The following PCDHGB1 variants were observed in gnomAD, a reference collection of about 807,000 sequenced individuals.
PCDHGB1 encodes the protein protocadherin gamma subfamily B, 1.
In PCDHGB1, 34 loss-of-function variants were observed where a neutral mutation model predicts 56.6. The ratio of observed to expected loss-of-function variants is 0.60; its 90% confidence interval spans 0.46 to 0.80. The LOEUF (loss-of-function observed/expected upper bound fraction) is 0.80. Among genes scored for constraint, PCDHGB1 ranks in the 30% least tolerant of loss-of-function variants. The pLI is 0.00. For synonymous variants in PCDHGB1, 561 were observed against 505.9 expected, an observed-to-expected ratio of 1.11 and a Z score of -1.46; for missense variants, 1,278 against 1,204.6, an observed-to-expected ratio of 1.06 and a Z score of -0.90.
chr5:141,370,895 G>A lies in PCDHGB1; in HGVS notation c.2409+18226G>A, dbSNP rs574834175. 79 of 1,614,032 alleles carry A rather than the reference G, an allele frequency of 4.9e-5. 1 individual carries two copies. In the East Asian group the frequency reaches 1.7e-3, roughly 34 times the overall value. On this transcript the variant is annotated intron_variant, in intron 1 of 3. Transcript: ENST00000523390. ...ATCCTGATGTAGGTGTCAATTCGCT[G>A]CAGCAGTACTACCTCAGCCCTGATC...
chr5:141,431,709 T>A lies in PCDHGB1; in HGVS notation c.2410-63098T>A. 6.2e-7 allele frequency: 1 copy of A among 1,614,168 alleles called. No individual in the cohort carries two copies. Among genetic ancestry groups the A allele is most frequent in the Non-Finnish European group, 8.5e-7 (1 of 1,180,018 alleles). ...CACGAGGAGTCAGGATTCTACCAGA[T>A]GGAAGTGCAAGCAATGGATAATGCA... On this transcript the variant is annotated intron_variant, in intron 1 of 3. Coordinates refer to ENST00000523390, the MANE Select transcript of PCDHGB1 (RefSeq NM_018922.3). This position sits in a 1 kb window ranked among gnomAD's most constrained non-coding sequence, Gnocchi z 4.8.
intron 1 of PCDHGB1, among the ~76,000 whole-genome samples, chr5:141,445,738 T>G (rs553879167): frequency 9.9e-5 from 15 of 152,122 alleles, no homozygotes; most frequent in Non-Finnish European, 1.9e-4. Context: ...AAAGATCTTT[T>G]TAAAAAATAA....
intron 1 of PCDHGB1, among the ~76,000 whole-genome samples, chr5:141,469,317 C>T (rs1354878667): frequency 6.6e-6 from 1 of 152,092 alleles, no homozygotes; most frequent in Non-Finnish European, 1.5e-5. Flanking sequence ...TGGCTCACGC[C>T]TGTAATCCCA....
chr5:141,453,318 AG>A (rs1299190594), intron 1 of PCDHGB1, among the ~76,000 whole-genome samples: 2 of 151,458 alleles, frequency 1.3e-5, no homozygotes, highest in Non-Finnish European at 2.9e-5. Context: ...TTTATTTTAG[AG>A]ATGGGGTCTC....
intron 1 of PCDHGB1, among the ~76,000 whole-genome samples, chr5:141,492,882 C>G (rs2099744816): frequency 6.6e-6 from 1 of 152,218 alleles, no homozygotes; most frequent in Admixed American, 6.5e-5. Context: ...CCCAGAGATA[C>G]AGGCTTTTGG....
At position 141,431,353 on chromosome 5, in the gene PCDHGB1, C is replaced by T. The variant is rs1273946805; in HGVS notation, c.2410-63454C>T. 1 of 1,613,940 alleles carries T rather than the reference C, an allele frequency of 6.2e-7. No homozygotes were observed. Among genetic ancestry groups the T allele is most frequent in the Non-Finnish European group, 8.5e-7 (1 of 1,180,042 alleles). On this transcript the variant is annotated intron_variant, in intron 1 of 3. Coordinates refer to ENST00000523390, the MANE Select transcript of PCDHGB1 (RefSeq NM_018922.3). This position sits in a 1 kb window ranked among gnomAD's most constrained non-coding sequence, Gnocchi z 4.8. ...AGTACCCCGAATTGGTGCTGAAACG[C>T]GCCCTGGACCGCGAAGAAAAGGCTG...
In PCDHGB1 at chr5:141,511,358, G is replaced by GT; in HGVS notation, c.*187dup. 1 of 1,355,398 alleles carries GT rather than the reference G, an allele frequency of 7.4e-7. No homozygotes were observed. Among genetic ancestry groups the GT allele is most frequent in the South Asian group, 1.5e-5 (1 of 66,198 alleles). 84.0% of individuals were successfully genotyped at this position (1,355,398 alleles called of 1,614,324 possible). On this transcript the variant is annotated 3_prime_UTR_variant, in exon 4 of 4. Transcript: ENST00000523390. ...GCACCTACCCCTTCCCCCCCAGGGG[G>GT]TTGAATATGCAAAAGCAGTTCCGCT...
chr5:141,431,364 G>A lies in PCDHGB1; in HGVS notation c.2410-63443G>A. 1 of 1,614,010 alleles carries A rather than the reference G, an allele frequency of 6.2e-7. No homozygotes were observed. The highest frequency in any genetic ancestry group is 8.5e-7 in the Non-Finnish European group (1 of 1,180,022). On this transcript the variant is annotated intron_variant, in intron 1 of 3. Coordinates refer to ENST00000523390, the MANE Select transcript of PCDHGB1 (RefSeq NM_018922.3). This position sits in a 1 kb window ranked among gnomAD's most constrained non-coding sequence, Gnocchi z 4.8. ...TTGGTGCTGAAACGCGCCCTGGACCGCGAAGAAAAGGCTGCTCACCACCTG... is the reference window on the plus strand; with the variant it reads ...TTGGTGCTGAAACGCGCCCTGGACCACGAAGAAAAGGCTGCTCACCACCTG...
At chr5:141,500,546 G>A (rs1428503967) in intron 2 of PCDHGB1, among the ~76,000 whole-genome samples, 1 of 152,126 alleles carries the variant, frequency 6.6e-6, no homozygotes, top group African/African-American at 2.4e-5. Context: ...ACCTAAATAA[G>A]TTGTTCACAA....
chr5:141,370,870 A>G (rs778903328), intron 1 of PCDHGB1: 1 of 1,614,030 alleles, frequency 6.2e-7, no homozygotes, highest in African/African-American at 1.3e-5. Flanking sequence ...TCTGCGCAAG[A>G]TCCTGATGTA....
chr5:141,441,750 A>C, intron 1 of PCDHGB1: 1 of 374,962 alleles, frequency 2.7e-6, no homozygotes, highest in South Asian at 2.1e-5. Context: ...GCTCGGCGTC[A>C]ACGTGAGCCT....
chr5:141,383,551 G>A lies in PCDHGB1; in HGVS notation c.2409+30882G>A, dbSNP rs772901140. 8 of 1,612,382 alleles carry A rather than the reference G, an allele frequency of 5.0e-6. No individual in the cohort carries two copies. Among genetic ancestry groups the A allele is most frequent in the Admixed American group, 3.3e-5 (2 of 59,816 alleles). On this transcript the variant is annotated intron_variant, in intron 1 of 3. Transcript: ENST00000523390. ...CCTGGTCCTCACAGCCTCTGATGGC[G>A]GCGACCCGCCCCGATCCAGCACCGC...
At chr5:141,362,323 G>C (rs745573123) in intron 1 of PCDHGB1, 1 of 1,614,082 alleles carries the variant, frequency 6.2e-7, no homozygotes, top group East Asian at 2.2e-5. Flanking sequence ...TTTTCAGCCT[G>C]GTCTCAGCTC....
intron 1 of PCDHGB1, among the ~76,000 whole-genome samples, chr5:141,484,419 A>G (rs978469951): frequency 1.3e-5 from 2 of 152,206 alleles, no homozygotes; most frequent in Non-Finnish European, 2.9e-5. Flanking sequence ...TCCTGTTACA[A>G]TGAGAACATG....
At chr5:141,404,100 T>G in intron 1 of PCDHGB1, 1 of 1,613,618 alleles carries the variant, frequency 6.2e-7, no homozygotes, top group African/African-American at 1.3e-5. Context: ...GGTCAAGTTG[T>G]CTGTTCTATC....
intron 1 of PCDHGB1, chr5:141,374,871 CA>C: frequency 6.2e-7 from 1 of 1,613,662 alleles, no homozygotes; most frequent in South Asian, 1.1e-5. Flanking sequence ...CCAGTGTTGG[CA>C]GTGACTGCCA....
intron 1 of PCDHGB1, chr5:141,419,328 C>T (rs2096360351): frequency 6.2e-7 from 1 of 1,613,954 alleles, no homozygotes. Context: ...GTCTCCTACT[C>T]TCTCATTGCC....
At chr5:141,371,264 A>C in intron 1 of PCDHGB1, 1 of 1,614,064 alleles carries the variant, frequency 6.2e-7, no homozygotes, top group South Asian at 1.1e-5. Context: ...AAGTGAGACA[A>C]CTGTTCAAGC....
chr5:141,449,630 T>G (rs1006977026), intron 1 of PCDHGB1, among the ~76,000 whole-genome samples: 2 of 150,024 alleles, frequency 1.3e-5, no homozygotes, highest in Non-Finnish European at 3.0e-5. Flanking sequence ...TTTAAAAAGA[T>G]GTATCTATAT....
Sources: allele counts gnomAD v4.1 joint callset (sites outside exome capture counted in the v4.1 genomes callset), GRCh38; gene constraint gnomAD v4.1.1; non-coding constraint Gnocchi (gnomAD v3.1); transcripts MANE v1.5; gene names NCBI Gene and HGNC (gene_info 2026-07-23, HGNC 2026-07-21).